Variants in PCSK5 observed in about 807,000 individuals in gnomAD.
PCSK5 encodes proprotein convertase subtilisin/kexin type 5, also known as prohormone convertase 5.
In PCSK5, 129 loss-of-function variants were observed where a neutral mutation model predicts 233.2. The observed-to-expected ratio is 0.55, with a 90% CI of 0.48 to 0.64. The LOEUF (loss-of-function observed/expected upper bound fraction) is 0.64. Among genes scored for constraint, PCSK5 ranks in the 30% least tolerant of loss-of-function variants. The pLI is 0.00. For synonymous variants in PCSK5, 825 were observed against 879.2 expected (o/e 0.94, Z 1.09); for missense variants, 2,076 against 2,430.1 (o/e 0.85, Z 3.06).
intron 5 of PCSK5, among the ~76,000 whole-genome samples, chr9:76,028,791 G>A (rs1218602601): frequency 6.6e-6 from 1 of 152,104 alleles, no homozygotes; most frequent in African/African-American, 2.4e-5. Flanking sequence ...TCAGGAGAGG[G>A]CTATTATCAG....
At chr9:76,338,656 C>T (rs1299071006) in intron 35 of PCSK5, among the ~76,000 whole-genome samples, 2 of 152,144 alleles carry the variant, frequency 1.3e-5, no homozygotes, top group Non-Finnish European at 2.9e-5. Context: ...ATCCCCCATC[C>T]TTCAAGGCCC....
rs562571940 is a variant in PCSK5, at chr9:76,090,978, G to A, written c.895-4912G>A. Among the ~76,000 whole-genome samples the A allele has an allele frequency of 2.7e-3, 410 of 151,866 alleles. 2 individuals are homozygous for A. The highest frequency in any genetic ancestry group is 4.4e-3 in the Non-Finnish European group (298 of 67,968). On this transcript the variant is annotated intron_variant, in intron 7 of 37. Coordinates refer to ENST00000674117, the MANE Select transcript of PCSK5 (RefSeq NM_001372043.1). ...CGCATGCGTAGGTCATAAGAGGTTC[G>A]AGCGCCTGTGAGAATCCATTGCCAC...
chr9:76,025,400 GGAGAGA>G (rs34224740), intron 4 of PCSK5, among the ~76,000 whole-genome samples: 14 of 148,510 alleles, frequency 9.4e-5, no homozygotes, highest in South Asian at 4.3e-4. Flanking sequence ...AAAAAAATGA[GGAGAGA>G]GAGAGAGAGA....
intron 5 of PCSK5, among the ~76,000 whole-genome samples, chr9:76,056,363 A>G (rs1191406460): frequency 6.6e-6 from 1 of 152,190 alleles, no homozygotes; most frequent in African/African-American, 2.4e-5. Flanking sequence ...CATCCACATT[A>G]ACAGATACGG....
Position 76,179,804 on chromosome 9 carries a change from T to C in PCSK5, c.2003+106T>C. ...TGTGCAGGCCACTGGCATCTTCCACTATTCTCCCACCAGGACCGAAACATA... is the reference window on the plus strand; with the variant it reads ...TGTGCAGGCCACTGGCATCTTCCACCATTCTCCCACCAGGACCGAAACATA... On this transcript the variant is annotated intron_variant, in intron 15 of 37. Transcript: ENST00000674117. 3 of 748,712 alleles carry C rather than the reference T, an allele frequency of 4.0e-6. No homozygotes were observed. In the South Asian group the frequency reaches 4.8e-5, roughly 12 times the overall value. 46.4% of individuals were successfully genotyped at this position (748,712 alleles called of 1,614,324 possible).
At chr9:75,946,709 G>C (rs1974322) in intron 2 of PCSK5, among the ~76,000 whole-genome samples, 103,052 of 151,922 alleles carry the variant, frequency 0.68, 35,134 homozygotes, top group East Asian at 0.84. Context: ...CTGCCTCAGC[G>C]TCCCAAGTAG....
At chr9:75,955,891 A>G (rs572817978) in intron 2 of PCSK5, among the ~76,000 whole-genome samples, 13 of 152,276 alleles carry the variant, frequency 8.5e-5, no homozygotes, top group Admixed American at 3.3e-4. Context: ...GAATATATGT[A>G]CTAACTCAAA....
intron 24 of PCSK5, among the ~76,000 whole-genome samples, chr9:76,259,456 TACACACACACACACAC>T (rs10592376): frequency 6.7e-6 from 1 of 148,678 alleles, no homozygotes; most frequent in Admixed American, 6.7e-5. Context: ...CTGTCTACAC[TACACACACACACACAC>T]ACACACACAC....
At chr9:76,077,972 G>A (rs1049281376) in intron 7 of PCSK5, among the ~76,000 whole-genome samples, 1 of 152,164 alleles carries the variant, frequency 6.6e-6, no homozygotes, top group Non-Finnish European at 1.5e-5. Flanking sequence ...AGTTCTTTGA[G>A]AAGTCTCCAG....
chr9:76,202,164 G>A (rs1332203028), intron 20 of PCSK5, among the ~76,000 whole-genome samples: 3 of 152,084 alleles, frequency 2.0e-5, no homozygotes, highest in South Asian at 2.1e-4. Flanking sequence ...CATCTCCTTC[G>A]TCACTCCCAC....
At position 75,891,087 on chromosome 9, in the gene PCSK5, GCTCGC is replaced by G; in HGVS notation, c.-93_-89del. 2.1e-5 allele frequency: 25 copies of G among 1,200,694 alleles called. No individual in the cohort carries two copies. Among genetic ancestry groups the G allele is most frequent in the South Asian group, 4.4e-5 (2 of 45,776 alleles). 74.4% of individuals were successfully genotyped at this position (1,200,694 alleles called of 1,614,324 possible). A position where few individuals can be genotyped will look rare whatever the true frequency, so the allele number is the denominator to read the frequency against. ...CTGCGAGCTGCGGCGGCCCGGGGCT[GCTCGC>G]CGGGCGGCGCAGGCCGGAGAAGTTA... On this transcript the variant is annotated 5_prime_UTR_variant, in exon 1 of 38. Coordinates refer to ENST00000674117, the MANE Select transcript of PCSK5 (RefSeq NM_001372043.1).
chr9:75,994,400 C>CTTTTTTT (rs550518074), intron 3 of PCSK5, among the ~76,000 whole-genome samples: 23 of 82,024 alleles, frequency 2.8e-4, no homozygotes, highest in Non-Finnish European at 3.2e-4. Flanking sequence ...TTCTTTCTTT[C>CTTTTTTT]TTTTTTTTTT....
At chr9:76,102,624 A>T (rs1363625462) in intron 8 of PCSK5, among the ~76,000 whole-genome samples, 1 of 152,116 alleles carries the variant, frequency 6.6e-6, no homozygotes, top group Non-Finnish European at 1.5e-5. Flanking sequence ...AATCTAAAAC[A>T]CCTCTGGTCC....
Position 76,005,840 on chromosome 9 carries a change from A to T in PCSK5, c.412-17898A>T, listed in dbSNP as rs151266421. 3.5e-3 allele frequency among the ~76,000 whole-genome samples: 532 copies of T among 151,902 alleles called. 2 individuals carry two copies. The highest frequency in any genetic ancestry group is 0.012 in the African/African-American group (509 of 41,438). ...CTTCCCCTCACCTGGCTCTGTTGTC[A>T]GTTTTTGAAATTTTTCTTTTTAAGA... On this transcript the variant is annotated intron_variant, in intron 3 of 37. Transcript: ENST00000674117.
At chr9:76,037,765 G>C (rs187196863) in intron 5 of PCSK5, among the ~76,000 whole-genome samples, 1 of 152,084 alleles carries the variant, frequency 6.6e-6, no homozygotes, top group Non-Finnish European at 1.5e-5. Context: ...AGGTTGTGTC[G>C]TACGTGGGGA....
intron 28 of PCSK5, among the ~76,000 whole-genome samples, chr9:76,302,538 G>A (rs540548704): frequency 6.6e-6 from 1 of 152,296 alleles, no homozygotes; most frequent in African/African-American, 2.4e-5. Context: ...GGCTAAGGAA[G>A]CACCTCTGCC....
intron 5 of PCSK5, among the ~76,000 whole-genome samples, chr9:76,036,198 A>G (rs1029658911): frequency 2.0e-5 from 3 of 152,180 alleles, no homozygotes; most frequent in Admixed American, 6.5e-5. Flanking sequence ...TATTCTAGCA[A>G]TTTAGTTAAT....
chr9:76,087,009 C>A (rs1228102492), intron 7 of PCSK5, among the ~76,000 whole-genome samples: 1 of 152,196 alleles, frequency 6.6e-6, no homozygotes, highest in African/African-American at 2.4e-5. Flanking sequence ...TTTATTTCAT[C>A]ACACGTATTC....
intron 34 of PCSK5, among the ~76,000 whole-genome samples, chr9:76,336,992 T>G (rs1272273078): frequency 6.6e-6 from 1 of 151,936 alleles, no homozygotes; most frequent in Non-Finnish European, 1.5e-5. Context: ...TCAGGCATAT[T>G]AGTAGAAACT....
Sources: gnomAD v4.1 joint callset for allele counts (sites outside exome capture counted in the v4.1 genomes callset) on GRCh38, gnomAD v4.1.1 for gene constraint, MANE v1.5 for transcripts, NCBI Gene and HGNC (gene_info 2026-07-23, HGNC 2026-07-21) for gene names.